The following CNTNAP5 variants were observed in gnomAD, a reference collection of about 807,000 sequenced individuals.
The protein encoded by CNTNAP5 is contactin-associated protein-like 5.
In CNTNAP5, 72 loss-of-function variants were observed where a neutral mutation model predicts 150.2. That is an observed-to-expected ratio of 0.48 (90% CI 0.40 to 0.58). CNTNAP5 has a LOEUF of 0.58. Among genes scored for constraint, CNTNAP5 ranks in the 20% least tolerant of loss-of-function variants. CNTNAP5 has a pLI of 0.00. For synonymous variants in CNTNAP5, 672 were observed against 619.8 expected (o/e 1.08, Z -1.25); for missense variants, 1,636 against 1,626.2 (o/e 1.01, Z -0.10).
intron 1 of CNTNAP5, among the ~76,000 whole-genome samples, chr2:124,074,018 G>A (rs1056861741): frequency 6.6e-6 from 1 of 152,094 alleles, no homozygotes; most frequent in Non-Finnish European, 1.5e-5. Context: ...AAAAAAGAAT[G>A]AGATTCTGTC....
intron 1 of CNTNAP5, among the ~76,000 whole-genome samples, chr2:124,061,819 C>T (rs1346632743): frequency 6.6e-6 from 1 of 152,154 alleles, no homozygotes; most frequent in Non-Finnish European, 1.5e-5. Flanking sequence ...CCTGCTATTT[C>T]TTTTCCTGAG....
intron 12 of CNTNAP5, among the ~76,000 whole-genome samples, chr2:124,615,477 C>A (rs1677476426): frequency 6.6e-6 from 1 of 152,192 alleles, no homozygotes; most frequent in South Asian, 2.1e-4. Context: ...AAAATTTTAT[C>A]ATGAGAATAT....
intron 3 of CNTNAP5, among the ~76,000 whole-genome samples, chr2:124,380,293 A>G (rs1027741514): frequency 1.3e-5 from 2 of 152,154 alleles, no homozygotes; most frequent in Non-Finnish European, 2.9e-5. Flanking sequence ...AGAGATAAGG[A>G]AAATTGCCAG....
At chr2:124,699,862 A>G (rs11684861) in intron 13 of CNTNAP5, among the ~76,000 whole-genome samples, 34,372 of 150,312 alleles carry the variant, frequency 0.23, 4,049 homozygotes, top group African/African-American at 0.25. Flanking sequence ...GATATAATTC[A>G]TATATCATAA....
At chr2:124,286,277 C>G (rs1271736521) in intron 3 of CNTNAP5, among the ~76,000 whole-genome samples, 3 of 152,192 alleles carry the variant, frequency 2.0e-5, no homozygotes, top group Admixed American at 2.0e-4. Flanking sequence ...TCCCTGCTGA[C>G]TCATGCCTTC....
At chr2:124,769,074 G>C (rs1681132884) in intron 16 of CNTNAP5, among the ~76,000 whole-genome samples, 1 of 152,050 alleles carries the variant, frequency 6.6e-6, no homozygotes, top group Non-Finnish European at 1.5e-5. Flanking sequence ...TGCCAACCTG[G>C]GGTGGGGATT....
chr2:124,136,471 G>T (rs920649516), intron 1 of CNTNAP5, among the ~76,000 whole-genome samples: 2 of 152,032 alleles, frequency 1.3e-5, no homozygotes, highest in Non-Finnish European at 2.9e-5. Context: ...ACCTTAAATG[G>T]GATCAGTTTG....
intron 19 of CNTNAP5, among the ~76,000 whole-genome samples, chr2:124,832,033 T>G (rs1177608778): frequency 2.6e-5 from 4 of 152,062 alleles, no homozygotes; most frequent in Non-Finnish European, 5.9e-5. Flanking sequence ...TTAGTCTTAC[T>G]TATAAAAAGA....
chr2:124,272,920 G>A (rs150026566), intron 3 of CNTNAP5, among the ~76,000 whole-genome samples: 38 of 152,244 alleles, frequency 2.5e-4, no homozygotes, highest in African/African-American at 8.4e-4. Context: ...CTAACTATTG[G>A]ATGAACAAAT....
Position 124,914,145 on chromosome 2 carries a change from C to T in CNTNAP5, c.3781C>T (p.Arg1261Trp), listed in dbSNP as rs201418873. The change falls in exon 24 of 24, where the codon CGG (arginine) becomes TGG (tryptophan). Residue 1261 changes from arginine (R) to tryptophan (W), a missense_variant. Arg to Trp is a moderately radical substitution (Grantham distance 101, BLOSUM62 -3). Coordinates refer to ENST00000682447, the MANE Select transcript of CNTNAP5 (RefSeq NM_001367498.1). The part of the protein sequence containing the change: ...IIFCIIGIMT[R>W]FLYQHKQSHR... The stretch of plus-strand genomic sequence containing the variant: ...CTTCTGTATCATCGGCATCATGACC[C>T]GGTTCCTCTACCAGCACAAGCAGTC... The T allele has an allele frequency of 2.2e-4, 358 of 1,612,440 alleles. No homozygotes were observed. The highest frequency in any genetic ancestry group is 2.7e-4 in the Non-Finnish European group (316 of 1,179,020).
At chr2:124,880,528 T>C (rs1677944286) in intron 21 of CNTNAP5, among the ~76,000 whole-genome samples, 1 of 152,136 alleles carries the variant, frequency 6.6e-6, no homozygotes, top group Non-Finnish European at 1.5e-5. Flanking sequence ...AATGATTCCA[T>C]AGAATATAAG....
intron 14 of CNTNAP5, among the ~76,000 whole-genome samples, chr2:124,750,844 C>A (rs1426047583): frequency 1.3e-5 from 2 of 151,728 alleles, no homozygotes; most frequent in African/African-American, 4.8e-5. Context: ...ATTAGCTGGG[C>A]ATGGTGGTGC....
intron 1 of CNTNAP5, among the ~76,000 whole-genome samples, chr2:124,211,728 C>G (rs1686018514): frequency 2.6e-5 from 4 of 152,206 alleles, no homozygotes; most frequent in Admixed American, 2.6e-4. Context: ...CTGGCCAGTA[C>G]TCAACTCAAG....
chr2:124,069,335 C>T (rs75831396), intron 1 of CNTNAP5, among the ~76,000 whole-genome samples: 1,708 of 152,204 alleles, frequency 0.011, 33 homozygotes, highest in African/African-American at 0.039. Flanking sequence ...AATAGAATAC[C>T]AGGTATATTT....
chr2:124,440,827 CAATTGCCCATGAA>C (rs768088101), intron 5 of CNTNAP5, among the ~76,000 whole-genome samples: 4 of 152,024 alleles, frequency 2.6e-5, no homozygotes, highest in Non-Finnish European at 5.9e-5. Flanking sequence ...TTGTCCTTCA[CAATTGCCCATGAA>C]AATTTTTATC....
In CNTNAP5 at chr2:124,683,950, C is replaced by T. The variant is rs189153647; in HGVS notation, c.2077+35992C>T. Among the ~76,000 whole-genome samples, 4 of 152,262 alleles carry T rather than the reference C, an allele frequency of 2.6e-5. No homozygotes were observed. The East Asian group carries it at 7.7e-4, about 29-fold the overall frequency. On this transcript the variant is annotated intron_variant, in intron 13 of 23. Coordinates refer to ENST00000682447, the MANE Select transcript of CNTNAP5 (RefSeq NM_001367498.1). ...TTGTGAAATACCACCTTGGACAATT[C>T]ATTTTCTTTCTCCGCACAAGGCCTG...
intron 5 of CNTNAP5, among the ~76,000 whole-genome samples, chr2:124,435,935 T>A (rs1249691201): frequency 6.6e-6 from 1 of 152,156 alleles, no homozygotes. Flanking sequence ...GAATATCACC[T>A]AGAAGAGAGT....
chr2:124,192,106 T>A (rs1240237901), intron 1 of CNTNAP5, among the ~76,000 whole-genome samples: 2 of 152,138 alleles, frequency 1.3e-5, no homozygotes, highest in African/African-American at 4.8e-5. Flanking sequence ...TGTGTCAAAC[T>A]TGCAGATCCA....
rs974183076 is a variant in CNTNAP5 at position 124,917,692 on chromosome 2, T to A, written c.*3404T>A. ...AAAATAAAGAGATTGTTTTTCTTTT[T>A]TCATTCATGAAGTATTTATGGAATG... On this transcript the variant is annotated 3_prime_UTR_variant, in exon 24 of 24. Coordinates refer to ENST00000682447, the MANE Select transcript of CNTNAP5 (RefSeq NM_001367498.1). Among the ~76,000 whole-genome samples the A allele has an allele frequency of 6.6e-6, 1 of 152,092 alleles. No homozygotes were observed.
Sources: gnomAD v4.1 joint callset for allele counts (sites outside exome capture counted in the v4.1 genomes callset) on GRCh38, gnomAD v4.1.1 for gene constraint, MANE v1.5 for transcripts, NCBI Gene and HGNC (gene_info 2026-07-23, HGNC 2026-07-21) for gene names.